FBN2: variants seen among roughly 807,000 people sequenced by gnomAD.
FBN2 encodes fibrillin-2.
FBN2 carries 105 observed loss-of-function variants against 355.6 expected under a neutral mutation model. The observed-to-expected ratio is 0.30, with a 90% CI of 0.25 to 0.35. The LOEUF is 0.35. FBN2 is among the 10% of genes least tolerant of loss of function. The probability of loss-of-function intolerance (pLI) is 1.00; values close to 1 mark genes in which losing one functional copy is unlikely to be tolerated. For synonymous variants in FBN2, 1,350 were observed against 1,301.2 expected, an observed-to-expected ratio of 1.04 and a Z score of -0.81; for missense variants, 3,280 against 3,758.7, an observed-to-expected ratio of 0.87 and a Z score of 3.33.
At chr5:128,459,322 C>T (rs1413199508) in intron 6 of FBN2, among the ~76,000 whole-genome samples, 2 of 151,916 alleles carry the variant, frequency 1.3e-5, no homozygotes, top group Non-Finnish European at 2.9e-5. Flanking sequence ...GCCTACCAAC[C>T]AAAAAAACCT....
chr5:128,447,934 T>A (rs1322593489), intron 6 of FBN2, among the ~76,000 whole-genome samples: 1 of 152,242 alleles, frequency 6.6e-6, no homozygotes, highest in African/African-American at 2.4e-5. Flanking sequence ...ACATCCATAC[T>A]GTTATGTGGA....
intron 5 of FBN2, among the ~76,000 whole-genome samples, chr5:128,491,061 TTA>T (rs140553580): frequency 0.21 from 31,766 of 152,016 alleles, 5,948 homozygotes; most frequent in African/African-American, 0.5. Flanking sequence ...GGATAGCATC[TTA>T]AGTTCAGAGA....
intron 55 of FBN2, among the ~76,000 whole-genome samples, chr5:128,284,016 C>A (rs1422592787): frequency 6.6e-6 from 1 of 152,150 alleles, no homozygotes; most frequent in Non-Finnish European, 1.5e-5. Context: ...ATCTGAGCCT[C>A]CTTTTTCTCT....
chr5:128,339,801 G>T (rs1012128008), intron 25 of FBN2, among the ~76,000 whole-genome samples: 6 of 152,120 alleles, frequency 3.9e-5, no homozygotes, highest in African/African-American at 1.4e-4. Flanking sequence ...GTGCAGGAGG[G>T]ACTGGCAAAC....
rs1754069147 is a variant in FBN2 at position 128,446,561 on chromosome 5, T to G, written c.872A>C (p.Asn291Thr). ...QAIPGICQGG[N>T]CINTVGSFEC... ...AAAAGAGCCCACTGTATTGATACAGTTTCCTCCTTGGCATATCCCTGGGAT... is the reference window on the plus strand; with the variant it reads ...AAAAGAGCCCACTGTATTGATACAGGTTCCTCCTTGGCATATCCCTGGGAT... The change falls in exon 7 of 65, where the codon AAC (asparagine) becomes ACC (threonine). Residue 291 changes from asparagine (N) to threonine (T), a missense_variant. Transcript: ENST00000262464. 1.2e-6 allele frequency: 2 copies of G among 1,613,850 alleles called. No homozygotes were observed. The highest frequency in any genetic ancestry group is 4.5e-5 in the East Asian group (2 of 44,844).
chr5:128,472,753 T>C (rs1754900721), intron 5 of FBN2, among the ~76,000 whole-genome samples: 1 of 150,856 alleles, frequency 6.6e-6, no homozygotes, highest in African/African-American at 2.4e-5. Context: ...ATCGCGCCAT[T>C]GCACTCCAGC....
intron 6 of FBN2, among the ~76,000 whole-genome samples, chr5:128,449,510 G>T (rs967956968): frequency 1.4e-5 from 2 of 147,666 alleles, no homozygotes; most frequent in Non-Finnish European, 1.5e-5. Context: ...TTTGAAAATA[G>T]AATGTAGTAA....
chr5:128,287,808 G>A (rs1749198706), intron 53 of FBN2, among the ~76,000 whole-genome samples: 1 of 152,178 alleles, frequency 6.6e-6, no homozygotes, highest in Admixed American at 6.5e-5. Flanking sequence ...TCCAGAGGAA[G>A]GAGGGGAGGG....
At chr5:128,313,852 CAAAAAAAAA>C (rs70997367) in intron 36 of FBN2, among the ~76,000 whole-genome samples, 3 of 48,244 alleles carry the variant, frequency 6.2e-5, no homozygotes, top group African/African-American at 2.7e-4. Flanking sequence ...GACTCTGTCT[CAAAAAAAAA>C]AAAAAAAAAA....
Position 128,278,812 on chromosome 5 carries a change from C to T in FBN2, c.7168G>A (p.Val2390Ile), listed in dbSNP as rs768193630. Residue 2390 changes from valine (V) to isoleucine (I), a missense_variant, in exon 57 of 65, where the codon GTA becomes ATA. Physicochemically the swap from Val to Ile is conservative, Grantham distance 29 (BLOSUM62 3). Coordinates refer to ENST00000262464, the MANE Select transcript of FBN2 (RefSeq NM_001999.4). ...GCCATTTGACATATTGTCTGCAGTA[C>T]CTCTGCAAAGCAGAGACCCTGTCGA... The part of the protein sequence containing the change: ...DNRQGLCFAE[V>I]LQTICQMASS... 9.9e-6 allele frequency: 16 copies of T among 1,613,820 alleles called. No homozygotes were observed. Among genetic ancestry groups the T allele is most frequent in the Non-Finnish European group, 1.2e-5 (14 of 1,179,864 alleles).
intron 55 of FBN2, among the ~76,000 whole-genome samples, chr5:128,286,103 T>C (rs527666282): frequency 6.6e-6 from 1 of 152,284 alleles, no homozygotes; most frequent in African/African-American, 2.4e-5. Flanking sequence ...TAACAGATCT[T>C]GGAAGAATAG....
Position 128,537,493 on chromosome 5 carries a change from C to T in FBN2, c.111G>A (p.Pro37=), listed in dbSNP as rs55715053. The change falls in exon 1 of 65, where the codon CCG becomes CCA. Residue 37 remains proline, a synonymous_variant. Transcript: ENST00000262464. ...AGQPQPPPPK[P]PRPQPPPQQV... ...GTTGCGGCGGCGGCTGGGGCCGGGG[C>T]GGCTTGGGCGGAGGAGGCTGAGGCT... The T allele has an allele frequency of 0.092, 145,584 of 1,584,512 alleles. 8,490 individuals are homozygous for T. The highest frequency in any genetic ancestry group is 0.29 in the African/African-American group (21,463 of 74,524).
chr5:128,437,053 T>G (rs934129900), intron 7 of FBN2, among the ~76,000 whole-genome samples: 1 of 152,202 alleles, frequency 6.6e-6, no homozygotes, highest in Non-Finnish European at 1.5e-5. Flanking sequence ...ATGAGTCACC[T>G]TTTGGTAATG....
Position 128,339,012 on chromosome 5 carries a change from G to A in FBN2, c.3393C>T (p.Cys1131=), listed in dbSNP as rs760695805. 1.9e-5 allele frequency: 30 copies of A among 1,613,754 alleles called. No homozygotes were observed. Among genetic ancestry groups the A allele is most frequent in the Admixed American group, 1.2e-4 (7 of 60,024 alleles). Residue 1131 remains cysteine, a synonymous_variant, in exon 26 of 65, where the codon TGC becomes TGT. Transcript: ENST00000262464. ...ACTCAAAGCTGCCCGGTGTATTGACGCAGATTCCACTGCCACAGAGGTCAG... is the reference window on the plus strand; with the variant it reads ...ACTCAAAGCTGCCCGGTGTATTGACACAGATTCCACTGCCACAGAGGTCAG... ...ISPDLCGSGI[C]VNTPGSFECE...
intron 5 of FBN2, among the ~76,000 whole-genome samples, chr5:128,490,265 T>C (rs1755464782): frequency 6.6e-6 from 1 of 152,226 alleles, no homozygotes; most frequent in South Asian, 2.1e-4. Flanking sequence ...TCCAATTTCA[T>C]ATCAACTCTG....
At chr5:128,482,541 G>A (rs963236809) in intron 5 of FBN2, among the ~76,000 whole-genome samples, 3 of 152,192 alleles carry the variant, frequency 2.0e-5, no homozygotes, top group Non-Finnish European at 2.9e-5. Flanking sequence ...TTCGCAATAC[G>A]AATTTAATTC....
At chr5:128,512,185 C>CT (rs1409644022) in intron 5 of FBN2, among the ~76,000 whole-genome samples, 1 of 152,092 alleles carries the variant, frequency 6.6e-6, no homozygotes, top group Admixed American at 6.5e-5. Context: ...CTGAAACAGT[C>CT]TCTCTCTCAC....
rs6149234 is a variant in FBN2, at chr5:128,434,394, G to GTATATATATATA, written c.952+12075_952+12086dup. 7.2e-3 allele frequency among the ~76,000 whole-genome samples: 663 copies of GTATATATATATA among 91,558 alleles called. 25 individuals are homozygous for GTATATATATATA. Among genetic ancestry groups the GTATATATATATA allele is most frequent in the East Asian group, 9.2e-3 (33 of 3,600 alleles). 60.1% of individuals were successfully genotyped at this position (91,558 alleles called of 152,430 possible). A position where few individuals can be genotyped will look rare whatever the true frequency, so the allele number is the denominator to read the frequency against. ...CAATGCCTGGCAGTGAATAAAGTGT[G>GTATATATATATA]TATATATATATATATATATATATAT... On this transcript the variant is annotated intron_variant, in intron 7 of 64. Coordinates refer to ENST00000262464, the MANE Select transcript of FBN2 (RefSeq NM_001999.4).
intron 54 of FBN2, 42 bp downstream of exon 54, chr5:128,287,266 T>C (rs372169748): frequency 1.7e-5 from 28 of 1,608,314 alleles, no homozygotes; most frequent in Non-Finnish European, 2.4e-5. Context: ...ATCTCCAGCA[T>C]GACAAATAAA....
Sources: gnomAD v4.1 joint callset for allele counts (sites outside exome capture counted in the v4.1 genomes callset) on GRCh38, gnomAD v4.1.1 for gene constraint, MANE v1.5 for transcripts, NCBI Gene and HGNC (gene_info 2026-07-23, HGNC 2026-07-21) for gene names.